The following TMEM237 variants were observed in gnomAD, a reference collection of about 807,000 sequenced individuals.
The protein encoded by TMEM237 is transmembrane protein 237, also known as amyotrophic lateral sclerosis 2 (juvenile) chromosome region, candidate 4.
A neutral mutation model predicts 59.1 loss-of-function variants in TMEM237; 51 were observed. The observed-to-expected ratio is 0.86, with a 90% confidence interval of 0.69 to 1.09. The LOEUF is 1.09. Among genes scored for constraint, TMEM237 ranks in the 50% least tolerant of loss-of-function variants. The pLI is 0.00. For missense variants in TMEM237, 475 were observed against 478.3 expected, an observed-to-expected ratio of 0.99 and a Z score of 0.06; for synonymous variants, 140 against 166.1, an observed-to-expected ratio of 0.84 and a Z score of 1.21.
rs1687278286 is a variant in TMEM237, at chr2:201,635,367, T to C, written c.274+1381A>G. 1.3e-5 allele frequency among the ~76,000 whole-genome samples: 2 copies of C among 152,154 alleles called. No homozygotes were observed. Among genetic ancestry groups the C allele is most frequent in the East Asian group, 3.8e-4 (2 of 5,202 alleles). On this transcript the variant is annotated intron_variant, in intron 5 of 12. Transcript: ENST00000409883. This position sits in a 1 kb window ranked among gnomAD's most constrained non-coding sequence, Gnocchi z 4.5. ...CTGATATCCTTATAAGAGGGAAATG[T>C]GGACACAGACACACAAGGAAAAATG...
chr2:201,631,721 CTG>C (rs146248768), intron 7 of TMEM237, among the ~76,000 whole-genome samples: 14 of 151,386 alleles, frequency 9.2e-5, no homozygotes, highest in Admixed American at 2.0e-4. Flanking sequence ...ATAGATCAAA[CTG>C]TGTGTGTGTG....
chr2:201,629,896 C>T (rs1334266389), intron 7 of TMEM237, 44 bp from the exon 8 acceptor site: 2 of 1,580,352 alleles, frequency 1.3e-6, no homozygotes, highest in Non-Finnish European at 1.7e-6. Context: ...CGAGAGAGAA[C>T]CCTGGTAGCC....
At chr2:201,640,958 A>G (rs1687400464) in intron 1 of TMEM237, 34 bp from the exon 2 acceptor site, 2 of 1,596,206 alleles carry the variant, frequency 1.3e-6, no homozygotes, top group Non-Finnish European at 1.7e-6. Flanking sequence ...CTTGTAAGTA[A>G]AAGCCTAGAG....
At chr2:201,642,671 G>A (rs768207205) in intron 1 of TMEM237, 3 of 1,606,492 alleles carry the variant, frequency 1.9e-6, no homozygotes, top group African/African-American at 1.4e-5. Context: ...CCAAGCACCT[G>A]GCGCCCCACC....
At chr2:201,625,305 T>C (rs949166266) in intron 12 of TMEM237, among the ~76,000 whole-genome samples, 6 of 151,446 alleles carry the variant, frequency 4.0e-5, no homozygotes, top group African/African-American at 7.3e-5. Flanking sequence ...GAGCTTGCAG[T>C]GAGCCCAGAT....
intron 7 of TMEM237, chr2:201,631,070 G>A (rs1957803120): frequency 6.6e-6 from 1 of 152,174 alleles, no homozygotes; most frequent in African/African-American, 2.4e-5. Context: ...TAGACGGAAT[G>A]CGTCCCCCAA....
chr2:201,628,097 G>A lies in TMEM237; in HGVS notation c.922C>T (p.Pro308Ser). 2.5e-6 allele frequency: 4 copies of A among 1,608,104 alleles called. No individual in the cohort carries two copies. Among genetic ancestry groups the A allele is most frequent in the Non-Finnish European group, 3.4e-6 (4 of 1,177,164 alleles). ...TCACAGAAAGATGCTAAAGCTGTAG[G>A]ATCCAGGGCCAAAAAATTTCGGATT... is the stretch of plus-strand genomic sequence containing the variant. ...VAIRNFLALD[P>S]TALASFLYFT... Residue 308 changes from proline (P) to serine (S), a missense_variant, in exon 10 of 13, where the codon CCT becomes TCT. Coordinates refer to ENST00000409883, the MANE Select transcript of TMEM237 (RefSeq NM_001044385.3).
At chr2:201,629,940 G>T (rs146817972) in intron 7 of TMEM237, 88 bp from the exon 8 acceptor site, 3 of 1,511,342 alleles carry the variant, frequency 2.0e-6, no homozygotes, top group Non-Finnish European at 2.7e-6. Context: ...TCAGGAAGCC[G>T]CAAACTAAGA....
chr2:201,620,814 T>C lies in TMEM237; in HGVS notation c.*3441A>G, dbSNP rs1180654291. 6.6e-6 allele frequency: 1 copy of C among 152,182 alleles called. No homozygotes were observed. Among genetic ancestry groups the C allele is most frequent in the Admixed American group, 6.5e-5 (1 of 15,280 alleles). The allele number at this position is 152,182 out of a possible 1,614,324, so 9.4% of individuals were successfully genotyped here. On this transcript the variant is annotated 3_prime_UTR_variant, in exon 13 of 13. Transcript: ENST00000409883. Reference sequence around the variant, plus strand: ...CACGGCCTTCCCCAGCTCTATTTGTTAGGATTTTTAACACAATGACCAGAA... The same window carrying C: ...CACGGCCTTCCCCAGCTCTATTTGTCAGGATTTTTAACACAATGACCAGAA...
rs754556418 is a variant in TMEM237 at position 201,635,067 on chromosome 2, G to A, written c.275-1636C>T. Among the ~76,000 whole-genome samples, 1 of 152,012 alleles carries A rather than the reference G, an allele frequency of 6.6e-6. No individual in the cohort carries two copies. Among genetic ancestry groups the A allele is most frequent in the Non-Finnish European group, 1.5e-5 (1 of 67,998 alleles). ...ATAATGCTCAAAATATAAAAAATTA[G>A]TAAAATAAATGAAGGAAGAAAATTT... On this transcript the variant is annotated intron_variant, in intron 5 of 12. Transcript: ENST00000409883. The surrounding 1 kb of genome is among the most constrained non-coding windows in gnomAD (Gnocchi z 4.5).
intron 8 of TMEM237, 29 bp from the exon 9 acceptor site, chr2:201,629,450 C>T (rs1265468041): frequency 2.7e-6 from 4 of 1,484,432 alleles, no homozygotes; most frequent in Non-Finnish European, 3.6e-6. Flanking sequence ...GATTATTATA[C>T]ATGAATTACT....
intron 12 of TMEM237, among the ~76,000 whole-genome samples, chr2:201,625,219 G>A (rs921222932): frequency 2.0e-5 from 3 of 151,864 alleles, no homozygotes; most frequent in African/African-American, 7.3e-5. Flanking sequence ...AAAATTAGCC[G>A]GGCGTGGTGG....
chr2:201,629,610 C>A, intron 8 of TMEM237, 119 bp downstream of exon 8: 1 of 1,402,846 alleles, frequency 7.1e-7, no homozygotes, highest in Non-Finnish European at 9.5e-7. Context: ...AATATACCTA[C>A]CTACCATTTT....
intron 1 of TMEM237, chr2:201,642,745 C>T (rs1457247050): frequency 2.0e-6 from 3 of 1,480,518 alleles, no homozygotes; most frequent in South Asian, 2.7e-5. Context: ...TGGCTAGTAC[C>T]CCGCGCGCAG....
rs773207226 is a variant in TMEM237, at chr2:201,629,223, G to A, written c.869+7C>T. 1 of 1,545,494 alleles carries A rather than the reference G, an allele frequency of 6.5e-7. No individual in the cohort carries two copies. The highest frequency in any genetic ancestry group is 2.3e-5 in the East Asian group (1 of 43,782). On this transcript the variant is annotated splice_region_variant and intron_variant, in intron 9 of 12. Transcript: ENST00000409883. ...AAGTTAGACAGATCTGGAGTCATAG[G>A]CATTACCTGTCAAAAGCTGAAATTG... is the stretch of plus-strand genomic sequence containing the variant.
intron 1 of TMEM237, chr2:201,642,757 G>T: frequency 6.9e-7 from 1 of 1,450,960 alleles, no homozygotes; most frequent in East Asian, 2.8e-5. Flanking sequence ...CGCGCGCAGC[G>T]CCCTGCGGGG....
Position 201,624,252 on chromosome 2 carries a change from G to A in TMEM237, c.*3C>T. 2.5e-6 allele frequency: 4 copies of A among 1,610,116 alleles called. No individual in the cohort carries two copies. The highest frequency in any genetic ancestry group is 3.4e-6 in the Non-Finnish European group (4 of 1,177,350). ...TCATTATTCCTCCAAAGGTGAGCTG[G>A]TATTATGAAGAGGCTTTGATTTCTT... On this transcript the variant is annotated 3_prime_UTR_variant, in exon 13 of 13. Transcript: ENST00000409883.
Position 201,636,658 on chromosome 2 carries a change from TA to T in TMEM237, c.274+89del, listed in dbSNP as rs369147495. ...CAAGAAACCACCTGTGGGATATGGA[TA>T]GGGGGAAAGAAATGAAAGCAGAGAG... On this transcript the variant is annotated intron_variant, in intron 5 of 12. Transcript: ENST00000409883. The T allele has an allele frequency of 4.0e-4, 571 of 1,430,934 alleles. 4 individuals carry two copies. The African/African-American group carries it at 6.2e-3, about 15-fold the overall frequency. 88.6% of individuals were successfully genotyped at this position (1,430,934 alleles called of 1,614,324 possible). A position where few individuals can be genotyped will look rare whatever the true frequency, so the allele number is the denominator to read the frequency against.
In TMEM237 at chr2:201,640,318, A is replaced by G. The variant is rs545397852; in HGVS notation, c.75-53T>C. ...TTTAATCAGCAGGACAAAGACAAAA[A>G]AGAAACAATTAATTAGAAACCTGTT... On this transcript the variant is annotated intron_variant, in intron 2 of 12. Transcript: ENST00000409883. The G allele has an allele frequency of 3.7e-4, 559 of 1,507,150 alleles. 1 individual carries two copies. The highest frequency in any genetic ancestry group is 4.5e-4 in the Non-Finnish European group (508 of 1,135,326). 93.4% of individuals were successfully genotyped at this position (1,507,150 alleles called of 1,614,324 possible). A position where few individuals can be genotyped will look rare whatever the true frequency, so the allele number is the denominator to read the frequency against.
Sources: gnomAD v4.1 joint callset for allele counts (sites outside exome capture counted in the v4.1 genomes callset) on GRCh38, gnomAD v4.1.1 for gene constraint, Gnocchi (gnomAD v3.1) non-coding constraint, MANE v1.5 for transcripts, NCBI Gene and HGNC (gene_info 2026-07-23, HGNC 2026-07-21) for gene names.